The following GRIK4 variants were observed in gnomAD, a reference collection of about 807,000 sequenced individuals.
GRIK4 encodes the protein glutamate receptor ionotropic, kainate 4.
A neutral mutation model predicts 104.9 loss-of-function variants in GRIK4; 40 were observed. The observed-to-expected ratio is 0.38, with a 90% CI of 0.30 to 0.50. The LOEUF is 0.50. GRIK4 is among the 20% of genes least tolerant of loss of function. GRIK4 has a pLI of 0.93. For synonymous variants in GRIK4, 485 were observed against 524.9 expected (o/e 0.92, Z 1.04); for missense variants, 1,047 against 1,308.1 (o/e 0.80, Z 3.08).
At chr11:120,639,838 C>A (rs2135198159) in intron 1 of GRIK4, among the ~76,000 whole-genome samples, 1 of 152,304 alleles carries the variant, frequency 6.6e-6, no homozygotes, top group Middle Eastern at 3.4e-3. Context: ...GTTATGTCAT[C>A]CCTTTATGTA....
chr11:120,908,596 G>A (rs1278178825), intron 13 of GRIK4, among the ~76,000 whole-genome samples: 1 of 152,192 alleles, frequency 6.6e-6, no homozygotes, highest in East Asian at 1.9e-4. Flanking sequence ...GTGAGGGAAA[G>A]GGGAAGGTGG....
chr11:120,836,731 C>A (rs4072311), intron 7 of GRIK4, 60 bp from the exon 8 acceptor site: 3 of 1,074,826 alleles, frequency 2.8e-6, no homozygotes, highest in African/African-American at 1.5e-5. Flanking sequence ...ACCCCTACTG[C>A]TCATTTGCTT....
At chr11:120,597,688 A>G (rs1405810126) in intron 1 of GRIK4, among the ~76,000 whole-genome samples, 1 of 151,852 alleles carries the variant, frequency 6.6e-6, no homozygotes, top group African/African-American at 2.4e-5. Context: ...CTGCCTGTTC[A>G]GTGCAGCCCC....
rs71050760 is a variant in GRIK4 at position 120,929,023 on chromosome 11, A to ATGTG, written c.1477-11308_1477-11305dup. Among the ~76,000 whole-genome samples, 442 of 89,588 alleles carry ATGTG rather than the reference A, an allele frequency of 4.9e-3. 1 individual carries two copies. Among genetic ancestry groups the ATGTG allele is most frequent in the African/African-American group, 0.016 (420 of 26,214 alleles). The allele number at this position is 89,588 out of a possible 152,430, so 58.8% of individuals were successfully genotyped here. On this transcript the variant is annotated intron_variant, in intron 13 of 20. Coordinates refer to ENST00000527524, the MANE Select transcript of GRIK4 (RefSeq NM_014619.5). ...CACGCGTGTATGTGTGTGTGCGCAC[A>ATGTG]TGTGTGTGTGTGTGTGTGTCTGTGT... is the stretch of plus-strand genomic sequence containing the variant.
chr11:120,809,140 G>A (rs1469151932), intron 4 of GRIK4, among the ~76,000 whole-genome samples: 1 of 152,142 alleles, frequency 6.6e-6, no homozygotes, highest in Non-Finnish European at 1.5e-5. Context: ...GCAGGAAAGG[G>A]GAAAGGAGTA....
intron 19 of GRIK4, among the ~76,000 whole-genome samples, chr11:120,979,811 G>A (rs143660744): frequency 4.9e-4 from 75 of 152,240 alleles, no homozygotes; most frequent in African/African-American, 1.8e-3. Context: ...GAGACCCTCT[G>A]CAAGGGGGCC....
intron 1 of GRIK4, among the ~76,000 whole-genome samples, chr11:120,548,538 C>T (rs895239725): frequency 6.6e-6 from 1 of 152,048 alleles, no homozygotes; most frequent in African/African-American, 2.4e-5. Flanking sequence ...AGAGGCACCT[C>T]GGTCCCCACA....
chr11:120,571,275 T>A (rs1404330387), intron 1 of GRIK4, among the ~76,000 whole-genome samples: 1 of 152,188 alleles, frequency 6.6e-6, no homozygotes, highest in African/African-American at 2.4e-5. Context: ...TTTTCTCAGA[T>A]TGAAAAGCTG....
intron 14 of GRIK4, among the ~76,000 whole-genome samples, chr11:120,949,505 C>T (rs1591319922): frequency 6.6e-6 from 1 of 152,300 alleles, no homozygotes; most frequent in South Asian, 2.1e-4. Flanking sequence ...TGGCCCAACT[C>T]ACAGTCAACA....
intron 6 of GRIK4, among the ~76,000 whole-genome samples, chr11:120,820,729 A>G (rs1257606776): frequency 6.6e-6 from 1 of 152,078 alleles, no homozygotes; most frequent in African/African-American, 2.4e-5. Flanking sequence ...GAGCGATTCC[A>G]TCTTTATTAG....
At chr11:120,801,187 A>AT (rs1344055746) in intron 3 of GRIK4, among the ~76,000 whole-genome samples, 1 of 152,072 alleles carries the variant, frequency 6.6e-6, no homozygotes, top group Non-Finnish European at 1.5e-5. Flanking sequence ...TCCAATATGT[A>AT]TTTTTTTGTG....
At chr11:120,713,590 A>T (rs1333793265) in intron 3 of GRIK4, among the ~76,000 whole-genome samples, 1 of 152,102 alleles carries the variant, frequency 6.6e-6, no homozygotes, top group African/African-American at 2.4e-5. Context: ...AGCTTGTAGG[A>T]GGTAATAGAT....
At chr11:120,753,464 A>T (rs1951597498) in intron 3 of GRIK4, among the ~76,000 whole-genome samples, 1 of 152,142 alleles carries the variant, frequency 6.6e-6, no homozygotes, top group Non-Finnish European at 1.5e-5. Flanking sequence ...AAGCAATTTA[A>T]GTGACCTTCA....
At chr11:120,589,988 G>A (rs1171448381) in intron 1 of GRIK4, among the ~76,000 whole-genome samples, 1 of 152,220 alleles carries the variant, frequency 6.6e-6, no homozygotes, top group Non-Finnish European at 1.5e-5. Context: ...AAGAGAGGCA[G>A]AGGCAGCTTT....
chr11:120,517,351 G>A lies in GRIK4; in HGVS notation c.-159+5464G>A, dbSNP rs570796810. Among the ~76,000 whole-genome samples, 27 of 149,260 alleles carry A rather than the reference G, an allele frequency of 1.8e-4. 4 individuals carry two copies. The highest frequency in any genetic ancestry group is 3.4e-3 in the Middle Eastern group (1 of 294). On this transcript the variant is annotated intron_variant, in intron 1 of 20. Transcript: ENST00000527524. Reference sequence around the variant, plus strand: ...TGTGGCCTTAGGCTTCCGGGAATGGGGTGTCCCAGGCTCCTTGGTGCGATC... The same window carrying A: ...TGTGGCCTTAGGCTTCCGGGAATGGAGTGTCCCAGGCTCCTTGGTGCGATC...
chr11:120,825,070 G>T (rs1186722179), intron 6 of GRIK4, among the ~76,000 whole-genome samples: 2 of 151,222 alleles, frequency 1.3e-5, no homozygotes, highest in African/African-American at 4.9e-5. Flanking sequence ...GATTACAGAT[G>T]TGAGCCACCA....
intron 8 of GRIK4, among the ~76,000 whole-genome samples, chr11:120,845,844 A>G (rs938138914): frequency 3.3e-5 from 5 of 152,240 alleles, no homozygotes; most frequent in African/African-American, 1.2e-4. Flanking sequence ...TGATGAATAA[A>G]TATGTTTTAG....
chr11:120,796,468 G>C (rs189741967), intron 3 of GRIK4, among the ~76,000 whole-genome samples: 25 of 152,292 alleles, frequency 1.6e-4, no homozygotes, highest in Non-Finnish European at 1.3e-4. Flanking sequence ...CTCCAAGGCA[G>C]TGTGCAAGGA....
At chr11:120,760,486 G>A (rs1347733505) in intron 3 of GRIK4, among the ~76,000 whole-genome samples, 2 of 150,892 alleles carry the variant, frequency 1.3e-5, no homozygotes, top group East Asian at 3.9e-4. Context: ...TGGGATACAT[G>A]TGCAGAACGT....
Sources: allele counts gnomAD v4.1 joint callset (sites outside exome capture counted in the v4.1 genomes callset), GRCh38; gene constraint gnomAD v4.1.1; transcripts MANE v1.5; gene names NCBI Gene and HGNC (gene_info 2026-07-23, HGNC 2026-07-21).